Variants in PRRC2B observed in about 807,000 individuals in gnomAD.
The protein encoded by PRRC2B is protein PRRC2B.
Under a neutral mutation model 242.3 loss-of-function variants are expected in PRRC2B, and 68 were observed. The ratio of observed to expected loss-of-function variants is 0.28; its 90% confidence interval spans 0.23 to 0.34. The LOEUF is 0.34. PRRC2B is among the 10% of genes least tolerant of loss of function. The probability of loss-of-function intolerance (pLI) is 1.00; values close to 1 mark genes in which losing one functional copy is unlikely to be tolerated. For synonymous variants in PRRC2B, 1,228 were observed against 1,173.6 expected (o/e 1.05, Z -0.95); for missense variants, 2,835 against 2,954.8 (o/e 0.96, Z 0.94).
chr9:131,437,736 A>G (rs964339586), intron 4 of PRRC2B, among the ~76,000 whole-genome samples: 1 of 152,238 alleles, frequency 6.6e-6, no homozygotes, highest in African/African-American at 2.4e-5. Flanking sequence ...AGAGGTCTAT[A>G]ATCATGCAAG....
chr9:131,454,793 G>T (rs1219058207), intron 9 of PRRC2B, among the ~76,000 whole-genome samples: 1 of 152,046 alleles, frequency 6.6e-6, no homozygotes, highest in Non-Finnish European at 1.5e-5. Flanking sequence ...ACGCCACCAT[G>T]CCCGACTAAT....
intron 14 of PRRC2B, among the ~76,000 whole-genome samples, chr9:131,472,665 G>A (rs942434253): frequency 2.0e-5 from 3 of 151,916 alleles, no homozygotes; most frequent in African/African-American, 7.3e-5. Context: ...TTTTAGTAGA[G>A]ACGGGGTTTC....
Position 131,475,591 on chromosome 9 carries a change from G to C in PRRC2B, c.3462G>C (p.Glu1154Asp). The C allele has an allele frequency of 6.2e-7, 1 of 1,612,876 alleles. No individual in the cohort carries two copies. Among genetic ancestry groups the C allele is most frequent in the East Asian group, 2.2e-5 (1 of 44,880 alleles). Residue 1154 changes from glutamate to aspartate, a missense_variant, in exon 16 of 32, where the codon GAG (glutamate) becomes GAC (aspartate). Transcript: ENST00000683519. ...AGCGCCGCCGGCAGAGGGGCTCCGA[G>C]AACGGGAATGAAGGCTCGCTCCTGG... The part of the protein sequence containing the change: ...LPKRRRQRGS[E>D]NGNEGSLLER...
chr9:131,478,642 G>GGGGGGGGGGGGGGGGGGGCC, intron 18 of PRRC2B, 23 bp downstream of exon 18: 4 of 482,030 alleles, frequency 8.3e-6, no homozygotes, highest in East Asian at 5.2e-5. Flanking sequence ...GGGTGGGGGG[G>GGGGGGGGGGGGGGGGGGGCC]CATGGGGCTG....
At position 131,432,720 on chromosome 9, in the gene PRRC2B, C is replaced by T. The variant is rs753455531; in HGVS notation, c.219C>T (p.Asn73=). The T allele has an allele frequency of 1.2e-5, 20 of 1,613,930 alleles. No homozygotes were observed. Among genetic ancestry groups the T allele is most frequent in the South Asian group, 4.4e-5 (4 of 91,086 alleles). Reference sequence around the variant, plus strand: ...GCTTGAAGTCTGAAAACAAAGGAAACGACCCCAACATCGTGATAGTACCCA... The same window carrying T: ...GCTTGAAGTCTGAAAACAAAGGAAATGACCCCAACATCGTGATAGTACCCA... ...LPSLKSENKG[N]DPNIVIVPKD... is the part of the protein sequence containing the mutation. The change falls in exon 3 of 32, where the codon AAC becomes AAT. Residue 73 remains asparagine (N), a synonymous_variant. Transcript: ENST00000683519.
rs186978014 is a variant in PRRC2B at position 131,481,185 on chromosome 9, C to A, written c.4901-541C>A. On this transcript the variant is annotated intron_variant, in intron 19 of 31. Coordinates refer to ENST00000683519, the MANE Select transcript of PRRC2B (RefSeq NM_013318.4). The stretch of plus-strand genomic sequence containing the variant: ...ATTAGCCGGGCGTGGTGGCGGGCAC[C>A]TATAGTCCCAGCTATTCGGGAGGCT... Among the ~76,000 whole-genome samples, 3 of 151,574 alleles carry A rather than the reference C, an allele frequency of 2.0e-5. No homozygotes were observed. The East Asian group carries it at 5.8e-4, about 29-fold the overall frequency.
chr9:131,484,858 G>A, intron 24 of PRRC2B, 68 bp downstream of exon 24: 2 of 1,562,504 alleles, frequency 1.3e-6, no homozygotes, highest in Non-Finnish European at 1.7e-6. Context: ...CAGAAGGGAG[G>A]AGTCCCCGAA....
At chr9:131,443,510 T>C (rs1838683939) in intron 5 of PRRC2B, among the ~76,000 whole-genome samples, 1 of 151,838 alleles carries the variant, frequency 6.6e-6, no homozygotes, top group Non-Finnish European at 1.5e-5. Context: ...TTCGGCTCAC[T>C]GCAACCTCCA....
At chr9:131,424,908 A>G (rs764796665) in intron 1 of PRRC2B, among the ~76,000 whole-genome samples, 18 of 152,164 alleles carry the variant, frequency 1.2e-4, no homozygotes, top group Non-Finnish European at 2.5e-4. Context: ...ATAGTTGTAG[A>G]CAGACTGACA....
At chr9:131,453,388 ATTT>A (rs1942980332) in intron 9 of PRRC2B, among the ~76,000 whole-genome samples, 1 of 152,020 alleles carries the variant, frequency 6.6e-6, no homozygotes, top group East Asian at 1.9e-4. Flanking sequence ...TACCTTTTAA[ATTT>A]TTTTAATTTT....
chr9:131,470,178 C>T (rs920703284), intron 13 of PRRC2B, among the ~76,000 whole-genome samples: 28 of 152,184 alleles, frequency 1.8e-4, no homozygotes, highest in Non-Finnish European at 3.4e-4. Context: ...GCTAGAGAGG[C>T]AGACTGGGCA....
At chr9:131,473,458 A>G in intron 14 of PRRC2B, 50 bp from the exon 15 acceptor site, 1 of 1,422,466 alleles carries the variant, frequency 7.0e-7, no homozygotes, top group Non-Finnish European at 9.6e-7. Context: ...CTGAGATTGG[A>G]GCAGGGCTTT....
intron 15 of PRRC2B, 39 bp from the exon 16 acceptor site, chr9:131,474,415 C>T: frequency 6.5e-7 from 1 of 1,534,234 alleles, no homozygotes; most frequent in South Asian, 1.2e-5. Context: ...AGGAACCAGG[C>T]TCCAATCGCA....
intron 1 of PRRC2B, among the ~76,000 whole-genome samples, chr9:131,407,819 C>A (rs1837405623): frequency 6.6e-6 from 1 of 152,156 alleles, no homozygotes; most frequent in Non-Finnish European, 1.5e-5. Context: ...CACTGTGTGA[C>A]CCTGGTTCTC....
chr9:131,406,234 C>G (rs1837357801), intron 1 of PRRC2B, among the ~76,000 whole-genome samples: 1 of 152,166 alleles, frequency 6.6e-6, no homozygotes, highest in Non-Finnish European at 1.5e-5. Flanking sequence ...CCCTCACCTC[C>G]TGGAGCTCAG....
At chr9:131,392,535 C>T (rs764283948), upstream of PRRC2B, among the ~76,000 whole-genome samples, 1 of 152,088 alleles carries the variant, frequency 6.6e-6, no homozygotes, top group Non-Finnish European at 1.5e-5. Flanking sequence ...GGTCAAGGAA[C>T]AAAATCGAAA....
intron 1 of PRRC2B, among the ~76,000 whole-genome samples, chr9:131,376,346 T>TC (rs1836684371): frequency 7.5e-6 from 1 of 133,592 alleles, no homozygotes; most frequent in African/African-American, 2.9e-5. Context: ...AGAGTGAGAC[T>TC]CCATCTCAAA....
rs1238860538 is a variant in PRRC2B, at chr9:131,473,675, C to G, written c.2275C>G (p.Leu759Val). 6.2e-7 allele frequency: 1 copy of G among 1,613,792 alleles called. No individual in the cohort carries two copies. Among genetic ancestry groups the G allele is most frequent in the East Asian group, 2.2e-5 (1 of 44,874 alleles). ...GGCACTGCAGAGCAAGGGCTACCCGCTCCCGCACCCGAAGTCGAGTGACAC... is the reference window on the plus strand; with the variant it reads ...GGCACTGCAGAGCAAGGGCTACCCGGTCCCGCACCCGAAGTCGAGTGACAC... Reference protein sequence around the residue: ...YMALQSKGYPLPHPKSSDTLA... With the variant: ...YMALQSKGYPVPHPKSSDTLA... The change falls in exon 15 of 32, where the codon CTC (leucine) becomes GTC (valine). Residue 759 changes from leucine to valine, a missense_variant. By Grantham distance (32) the Leu-to-Val change is conservative. This residue lies in a region of PRRC2B where 1,536 missense variants were observed against 1,483.1 expected (regional missense o/e 1.04). Transcript: ENST00000683519.
chr9:131,443,539 T>G (rs1838685074), intron 5 of PRRC2B, among the ~76,000 whole-genome samples: 1 of 151,756 alleles, frequency 6.6e-6, no homozygotes, highest in Non-Finnish European at 1.5e-5. Context: ...GCTCAAGTGA[T>G]CCTCCCACCC....
Sources: allele counts gnomAD v4.1 joint callset (sites outside exome capture counted in the v4.1 genomes callset), GRCh38; gene constraint gnomAD v4.1.1; regional missense constraint gnomAD v4.1.1; transcripts MANE v1.5; gene names NCBI Gene and HGNC (gene_info 2026-07-23, HGNC 2026-07-21).